LRP1: variants seen among roughly 807,000 people sequenced by gnomAD.
LRP1 encodes the protein LDL receptor related protein 1, also known as prolow-density lipoprotein receptor-related protein 1.
In LRP1, 51 loss-of-function variants were observed where a neutral mutation model predicts 541.5. The observed-to-expected ratio is 0.09, with a 90% CI of 0.08 to 0.12. LRP1 has a LOEUF of 0.12. Ranked by LOEUF, LRP1 falls within the 10% of genes least tolerant of loss-of-function variation. LRP1 has a pLI of 1.00. For missense variants in LRP1, 3,878 were observed against 6,376.2 expected (o/e 0.61, Z 13.34); for synonymous variants, 2,219 against 2,470.8 (o/e 0.90, Z 3.02).
In LRP1 at chr12:57,165,937, C is replaced by T; in HGVS notation, c.2663C>T (p.Ala888Val). ...DCLDNSDEAP[A>V]LCHQHTCPSD... is the part of the protein sequence containing the mutation. The stretch of plus-strand genomic sequence containing the variant: ...CTGGACAACAGTGATGAGGCCCCAG[C>T]CCTCTGCCGTGAGTCACACGCCCTG... The change falls in exon 16 of 89, where the codon GCC (alanine) becomes GTC (valine). Residue 888 changes from alanine (A) to valine (V), a missense_variant. Physicochemically the swap from Ala to Val is moderately conservative, Grantham distance 64. Coordinates refer to ENST00000243077, the MANE Select transcript of LRP1 (RefSeq NM_002332.3). This position sits in a 1 kb window ranked among gnomAD's most constrained non-coding sequence, Gnocchi z 4.5. The T allele has an allele frequency of 6.2e-7, 1 of 1,614,156 alleles. No individual in the cohort carries two copies. The highest frequency in any genetic ancestry group is 8.5e-7 in the Non-Finnish European group (1 of 1,180,014).
chr12:57,202,397 T>C (rs1474216303), intron 67 of LRP1, 24 bp from the exon 68 acceptor site: 8 of 1,562,528 alleles, frequency 5.1e-6, no homozygotes, highest in South Asian at 4.4e-5. Context: ...TTTCCCTGAC[T>C]GCCCTGACAC....
chr12:57,208,148 G>T lies in LRP1; in HGVS notation c.11970G>T (p.Glu3990Asp). ...TTGAGGTGGCGCAGATGAAGGGCGA[G>T]AACCGCAAGACGCTCATCTCGGGCA... is the stretch of plus-strand genomic sequence containing the variant. ...DVIEVAQMKG[E>D]NRKTLISGMI... The change falls in exon 77 of 89, where the codon GAG (glutamate) becomes GAT (aspartate). Residue 3990 changes from glutamate to aspartate, a missense_variant. By Grantham distance (45) the Glu-to-Asp change is conservative (BLOSUM62 2). Around this residue, in one of 13 missense-constraint regions of LRP1, gnomAD observed 871 missense variants for 1,212.4 expected, o/e 0.72. Transcript: ENST00000243077. 6.2e-7 allele frequency: 1 copy of T among 1,614,188 alleles called. No individual in the cohort carries two copies. The highest frequency in any genetic ancestry group is 1.1e-5 in the South Asian group (1 of 91,084).
At chr12:57,210,923 C>T (rs765882075) in intron 83 of LRP1, 44 bp downstream of exon 83, 19 of 1,585,168 alleles carry the variant, frequency 1.2e-5, no homozygotes, top group South Asian at 1.0e-4. Context: ...GGGAGGGTGA[C>T]GGGGGACCCC....
Position 57,196,113 on chromosome 12 carries a change from T to G in LRP1, c.8728T>G (p.Phe2910Val). ...QEHKCNASSQ[F>V]LCSSGRCVAE... The stretch of plus-strand genomic sequence containing the variant: ...GCACAAGTGCAATGCCTCGTCACAG[T>G]TCCTGTGCAGCAGTGGGCGCTGTGT... Residue 2910 changes from phenylalanine to valine, a missense_variant, in exon 55 of 89, where the codon TTC (phenylalanine) becomes GTC (valine). Physicochemically the swap from Phe to Val is conservative, Grantham distance 50. Transcript: ENST00000243077. 1 of 1,606,886 alleles carries G rather than the reference T, an allele frequency of 6.2e-7. No individual in the cohort carries two copies.
In LRP1 at chr12:57,179,561, T is replaced by C. The variant is rs779802949; in HGVS notation, c.4966+5T>C. On this transcript the variant is annotated splice_donor_5th_base_variant and intron_variant, in intron 29 of 88. Coordinates refer to ENST00000243077, the MANE Select transcript of LRP1 (RefSeq NM_002332.3). The surrounding 1 kb of genome is among the most constrained non-coding windows in gnomAD (Gnocchi z 6.8). The stretch of plus-strand genomic sequence containing the variant: ...TGGAGACAGTCGTCTCTGCAGGTTC[T>C]TCCTGGCCCTGGATGCCCACCAGTG... The C allele has an allele frequency of 5.0e-6, 8 of 1,612,602 alleles. No homozygotes were observed. Among genetic ancestry groups the C allele is most frequent in the African/African-American group, 2.7e-5 (2 of 74,914 alleles).
chr12:57,187,518 C>T, intron 42 of LRP1, 62 bp downstream of exon 42: 1 of 1,529,892 alleles, frequency 6.5e-7, no homozygotes, highest in Non-Finnish European at 8.9e-7. Flanking sequence ...GGCAGAAACT[C>T]CCCAGGCAGA....
chr12:57,211,827 G>T lies in LRP1; in HGVS notation c.13258+13G>T. On this transcript the variant is annotated intron_variant, in intron 86 of 88. Coordinates refer to ENST00000243077, the MANE Select transcript of LRP1 (RefSeq NM_002332.3). This position sits in a 1 kb window ranked among gnomAD's most constrained non-coding sequence, Gnocchi z 4.3. Reference sequence around the variant, plus strand: ...CAGCAGCCAGGACGTAGGTGGCAGGGGTTGGGGCAGGCAGGGCCACCGGGA... The same window carrying T: ...CAGCAGCCAGGACGTAGGTGGCAGGTGTTGGGGCAGGCAGGGCCACCGGGA... The T allele has an allele frequency of 6.2e-7, 1 of 1,612,768 alleles. No homozygotes were observed. The highest frequency in any genetic ancestry group is 8.5e-7 in the Non-Finnish European group (1 of 1,179,988).
Position 57,211,061 on chromosome 12 carries a change from C to T in LRP1, c.12917-115C>T, listed in dbSNP as rs779617293. 16 of 1,399,392 alleles carry T rather than the reference C, an allele frequency of 1.1e-5. No individual in the cohort carries two copies. Among genetic ancestry groups the T allele is most frequent in the Non-Finnish European group, 1.6e-5 (16 of 1,019,338 alleles). 86.7% of individuals were successfully genotyped at this position (1,399,392 alleles called of 1,614,324 possible). A position where few individuals can be genotyped will look rare whatever the true frequency, so the allele number is the denominator to read the frequency against. On this transcript the variant is annotated intron_variant, in intron 83 of 88. Transcript: ENST00000243077. The surrounding 1 kb of genome is among the most constrained non-coding windows in gnomAD (Gnocchi z 4.3). ...CCACAAAGGTGCTGGCACACTTCCC[C>T]TGAGGCAGTGCACCCCCTGCACCAA...
chr12:57,146,990 T>C (rs2035422708), intron 6 of LRP1, among the ~76,000 whole-genome samples: 1 of 152,066 alleles, frequency 6.6e-6, no homozygotes, highest in Admixed American at 6.5e-5. Flanking sequence ...CTATGGGGTG[T>C]CCTGGAGGTA....
chr12:57,197,770 C>T lies in LRP1; in HGVS notation c.9282+106C>T. The T allele has an allele frequency of 2.3e-6, 3 of 1,312,918 alleles. No individual in the cohort carries two copies. In the South Asian group the frequency reaches 4.0e-5, roughly 17 times the overall value. The allele number at this position is 1,312,918 out of a possible 1,614,324, so 81.3% of individuals were successfully genotyped here. ...CAACCCAAATTGCTTCCTTCTCACT[C>T]CACTAGTCACTATATGACTGCTTGT... On this transcript the variant is annotated intron_variant, in intron 58 of 88. Coordinates refer to ENST00000243077, the MANE Select transcript of LRP1 (RefSeq NM_002332.3). The surrounding 1 kb of genome is among the most constrained non-coding windows in gnomAD (Gnocchi z 4.5).
In LRP1 at chr12:57,162,928, C is replaced by G; in HGVS notation, c.2475C>G (p.Arg825=). 1.2e-6 allele frequency: 2 copies of G among 1,608,842 alleles called. No individual in the cohort carries two copies. Among genetic ancestry groups the G allele is most frequent in the East Asian group, 4.5e-5 (2 of 44,782 alleles). Residue 825 remains arginine, a synonymous_variant, in exon 15 of 89, where the codon CGC becomes CGG. Coordinates refer to ENST00000243077, the MANE Select transcript of LRP1 (RefSeq NM_002332.3). The surrounding 1 kb of genome is among the most constrained non-coding windows in gnomAD (Gnocchi z 5.2). Reference sequence around the variant, plus strand: ...TGTGCTTGGCCACCCCTGGGAGCCGCCAGTGCGCCTGTGCTGAGGACCAGG... The same window carrying G: ...TGTGCTTGGCCACCCCTGGGAGCCGGCAGTGCGCCTGTGCTGAGGACCAGG... ...SSLCLATPGS[R]QCACAEDQVL...
chr12:57,185,440 G>C lies in LRP1; in HGVS notation c.6464-91G>C. 1 of 1,465,848 alleles carries C rather than the reference G, an allele frequency of 6.8e-7. No homozygotes were observed. The highest frequency in any genetic ancestry group is 9.1e-7 in the Non-Finnish European group (1 of 1,101,588). 90.8% of individuals were successfully genotyped at this position (1,465,848 alleles called of 1,614,324 possible). A position where few individuals can be genotyped will look rare whatever the true frequency, so the allele number is the denominator to read the frequency against. On this transcript the variant is annotated intron_variant, in intron 40 of 88. Transcript: ENST00000243077. The surrounding 1 kb of genome is among the most constrained non-coding windows in gnomAD (Gnocchi z 4.9). Reference sequence around the variant, plus strand: ...TTCAAGCTGGGAATACCGAGGCAGAGGGCAGAGCTTTCGCCAAAGCCTGGA... The same window carrying C: ...TTCAAGCTGGGAATACCGAGGCAGACGGCAGAGCTTTCGCCAAAGCCTGGA...
At position 57,184,034 on chromosome 12, in the gene LRP1, G is replaced by A. The variant is rs2036220081; in HGVS notation, c.5930-51G>A. On this transcript the variant is annotated intron_variant, in intron 36 of 88. Coordinates refer to ENST00000243077, the MANE Select transcript of LRP1 (RefSeq NM_002332.3). The surrounding 1 kb of genome is among the most constrained non-coding windows in gnomAD (Gnocchi z 7.8). ...GTGCCTGGGAGCTTGGAGACACCAG[G>A]TCCACCTGTCCTCACCTAACCTCCC... is the stretch of plus-strand genomic sequence containing the variant. 6.2e-7 allele frequency: 1 copy of A among 1,602,528 alleles called. No individual in the cohort carries two copies. The highest frequency in any genetic ancestry group is 8.5e-7 in the Non-Finnish European group (1 of 1,173,096).
rs2035827011 is a variant in LRP1 at position 57,165,821 on chromosome 12, G to A, written c.2547G>A (p.Val849=). The part of the protein sequence containing the change: ...GVTCLANPSY[V]PPPQCQPGEF... Reference sequence around the variant, plus strand: ...TGCCCACAGCGAACCCATCCTACGTGCCTCCACCCCAGTGCCAGCCAGGCG... The same window carrying A: ...TGCCCACAGCGAACCCATCCTACGTACCTCCACCCCAGTGCCAGCCAGGCG... Residue 849 remains valine (V), a synonymous_variant, in exon 16 of 89, where the codon GTG becomes GTA. Transcript: ENST00000243077. This position sits in a 1 kb window ranked among gnomAD's most constrained non-coding sequence, Gnocchi z 4.5. The A allele has an allele frequency of 6.2e-7, 1 of 1,614,182 alleles. No individual in the cohort carries two copies. Among genetic ancestry groups the A allele is most frequent in the South Asian group, 1.1e-5 (1 of 91,090 alleles).
At position 57,180,320 on chromosome 12, in the gene LRP1, C is replaced by T. The variant is rs775871155; in HGVS notation, c.5237-10C>T. 2.0e-5 allele frequency: 32 copies of T among 1,613,582 alleles called. No individual in the cohort carries two copies. Among genetic ancestry groups the T allele is most frequent in the Non-Finnish European group, 2.7e-5 (32 of 1,179,728 alleles). On this transcript the variant is annotated splice_polypyrimidine_tract_variant and intron_variant, in intron 31 of 88. Coordinates refer to ENST00000243077, the MANE Select transcript of LRP1 (RefSeq NM_002332.3). ...GCCAGACTCCCCGGCAGTGACTCCC[C>T]CTTTTCCAGGCCTGGCTATTGACTT... is the stretch of plus-strand genomic sequence containing the variant.
intron 4 of LRP1, chr12:57,144,473 G>A (rs914429611): frequency 1.9e-5 from 3 of 156,478 alleles, no homozygotes; most frequent in South Asian, 1.9e-4. Flanking sequence ...TGCCTCCCTC[G>A]GGTCTTTGTG....
intron 78 of LRP1, 32 bp from the exon 79 acceptor site, chr12:57,209,051 C>A: frequency 6.4e-7 from 1 of 1,571,114 alleles, no homozygotes; most frequent in Non-Finnish European, 8.8e-7. Flanking sequence ...GTTGGGGAGG[C>A]CAAGCTCTCA....
chr12:57,208,547 C>A, intron 77 of LRP1, 164 bp from the exon 78 acceptor site: 1 of 596,648 alleles, frequency 1.7e-6, no homozygotes, highest in Non-Finnish European at 3.0e-6. Context: ...AGCCCCTCAA[C>A]CTGCTCAGAA....
chr12:57,207,297 CTAAATAAA>C (rs72030270), intron 76 of LRP1, among the ~76,000 whole-genome samples: 6 of 134,454 alleles, frequency 4.5e-5, no homozygotes, highest in Admixed American at 1.4e-4. Flanking sequence ...GACTCGGTCT[CTAAATAAA>C]TAAATAAATA....
Sources: allele counts gnomAD v4.1 joint callset (sites outside exome capture counted in the v4.1 genomes callset), GRCh38; gene constraint gnomAD v4.1.1; regional missense constraint gnomAD v4.1.1; non-coding constraint Gnocchi (gnomAD v3.1); transcripts MANE v1.5; gene names NCBI Gene and HGNC (gene_info 2026-07-23, HGNC 2026-07-21).